Variants in CCT5 observed in about 807,000 individuals in gnomAD.
The protein encoded by CCT5 is chaperonin containing TCP1 subunit 5.
CCT5 carries 6 observed loss-of-function variants against 55.0 expected under a neutral mutation model. The ratio of observed to expected loss-of-function variants is 0.11; its 90% CI spans 0.06 to 0.22. The LOEUF (loss-of-function observed/expected upper bound fraction) is 0.22. CCT5 is among the 10% of genes least tolerant of loss of function. The pLI is 1.00. For synonymous variants in CCT5, 231 were observed against 243.7 expected (o/e 0.95, Z 0.49); for missense variants, 560 against 694.6 (o/e 0.81, Z 2.18).
rs777159469 is a variant in CCT5 at position 10,261,590 on chromosome 5, G to A, written c.1024G>A (p.Val342Ile). 24 of 1,614,024 alleles carry A rather than the reference G, an allele frequency of 1.5e-5. No homozygotes were observed. Among genetic ancestry groups the A allele is most frequent in the South Asian group, 3.3e-5 (3 of 91,088 alleles). ...LIAIATGGRIVPRFSELTAEK... is the reference protein window; with the variant it reads ...LIAIATGGRIIPRFSELTAEK... ...TGCCATCGCAACAGGAGGGCGGATC[G>A]TCCCCAGGTTCTCAGAGCTCACAGC... The change falls in exon 8 of 11, where the codon GTC becomes ATC. Residue 342 changes from valine (V) to isoleucine (I), a missense_variant. By Grantham distance (29) the Val-to-Ile change is conservative. Coordinates refer to ENST00000280326, the MANE Select transcript of CCT5 (RefSeq NM_012073.5).
At chr5:10,263,905 G>T (rs1445983878) in intron 10 of CCT5, among the ~76,000 whole-genome samples, 1 of 152,112 alleles carries the variant, frequency 6.6e-6, no homozygotes, top group African/African-American at 2.4e-5. Context: ...AATTCCAAGG[G>T]TTTCAATAGT....
intron 6 of CCT5, among the ~76,000 whole-genome samples, chr5:10,260,430 T>C (rs1745901751): frequency 6.6e-6 from 1 of 152,230 alleles, no homozygotes; most frequent in Admixed American, 6.5e-5. Flanking sequence ...GAAACTACTC[T>C]GTAGGTGTTT....
At chr5:10,259,642 G>C (rs1745857629) in intron 6 of CCT5, among the ~76,000 whole-genome samples, 1 of 152,230 alleles carries the variant, frequency 6.6e-6, no homozygotes, top group South Asian at 2.1e-4. Context: ...AGGACAGATG[G>C]GGATGCTCCT....
chr5:10,264,176 G>A (rs770260835), intron 10 of CCT5, among the ~76,000 whole-genome samples: 17 of 152,152 alleles, frequency 1.1e-4, no homozygotes, highest in Non-Finnish European at 1.9e-4. Flanking sequence ...TCGGGAGGCT[G>A]AGGCAGGAGA....
At chr5:10,261,837 C>T (rs1745977489) in intron 8 of CCT5, 92 bp downstream of exon 8, 3 of 978,698 alleles carry the variant, frequency 3.1e-6, no homozygotes, top group East Asian at 4.8e-5. Context: ...GACACAGTCA[C>T]CATAAGAAAA....
At chr5:10,252,478 G>A (rs960080753) in intron 1 of CCT5, among the ~76,000 whole-genome samples, 3 of 152,046 alleles carry the variant, frequency 2.0e-5, no homozygotes, top group Non-Finnish European at 4.4e-5. Flanking sequence ...GACTGGGCGC[G>A]GTGGCTCACG....
rs901543272 is a variant in CCT5 at position 10,250,358 on chromosome 5, C to T, written c.18C>T (p.Thr6=). Residue 6 remains threonine (T), a synonymous_variant, in exon 1 of 11, where the codon ACC becomes ACT. Coordinates refer to ENST00000280326, the MANE Select transcript of CCT5 (RefSeq NM_012073.5). MASMG[T]LAFDEYGRPF... ...GTTGCACCATGGCGTCCATGGGGAC[C>T]CTCGCCTTCGATGAATATGGGCGCC... is the stretch of plus-strand genomic sequence containing the variant. 1 of 1,614,116 alleles carries T rather than the reference C, an allele frequency of 6.2e-7. No individual in the cohort carries two copies. The highest frequency in any genetic ancestry group is 8.5e-7 in the Non-Finnish European group (1 of 1,180,034).
intron 6 of CCT5, among the ~76,000 whole-genome samples, chr5:10,260,318 G>A (rs375001471): frequency 3.9e-5 from 6 of 152,346 alleles, no homozygotes; most frequent in Middle Eastern, 3.4e-3. Flanking sequence ...GCCTCTGTGA[G>A]TGCCCGAATT....
At chr5:10,255,895 T>C (rs1745649565) in intron 3 of CCT5, 60 bp from the exon 4 acceptor site, 12 of 1,452,448 alleles carry the variant, frequency 8.3e-6, no homozygotes, top group Non-Finnish European at 1.2e-5. Context: ...TTGTGCTGAT[T>C]ATACTAAAAG....
In CCT5 at chr5:10,261,053, C is replaced by T. The variant is rs771520737; in HGVS notation, c.993+142C>T. 18 of 857,222 alleles carry T rather than the reference C, an allele frequency of 2.1e-5. No individual in the cohort carries two copies. The Middle Eastern group carries it at 6.9e-4, about 33-fold the overall frequency. The allele number at this position is 857,222 out of a possible 1,614,324, so 53.1% of individuals were successfully genotyped here. Reference sequence around the variant, plus strand: ...GAGGGTGAGCTGGGAGAGAGGAAAGCGCTGGAATCTTTGTTACTGTTTGGA... The same window carrying T: ...GAGGGTGAGCTGGGAGAGAGGAAAGTGCTGGAATCTTTGTTACTGTTTGGA... On this transcript the variant is annotated intron_variant, in intron 7 of 10. Transcript: ENST00000280326.
At position 10,258,323 on chromosome 5, in the gene CCT5, A is replaced by G; in HGVS notation, c.723+20A>G. ...CCAAAAGTGAGCCATTGCATCTCAC[A>G]GCTTCGCACTGTTGGTTAACTCTTA... On this transcript the variant is annotated intron_variant, in intron 5 of 10. Coordinates refer to ENST00000280326, the MANE Select transcript of CCT5 (RefSeq NM_012073.5). 1.9e-6 allele frequency: 3 copies of G among 1,614,076 alleles called. No homozygotes were observed. Among genetic ancestry groups the G allele is most frequent in the Non-Finnish European group, 2.5e-6 (3 of 1,179,976 alleles).
In CCT5 at chr5:10,255,937, C is replaced by G. The variant is rs11741923; in HGVS notation, c.332-18C>G. Reference sequence around the variant, plus strand: ...TTTGTTGTTTGCCTGAACTGATTGTCTGCTGGCTTATTTGCAGTCCTGGCT... The same window carrying G: ...TTTGTTGTTTGCCTGAACTGATTGTGTGCTGGCTTATTTGCAGTCCTGGCT... On this transcript the variant is annotated intron_variant, in intron 3 of 10. Transcript: ENST00000280326. 0.027 allele frequency: 44,123 copies of G among 1,610,786 alleles called. 725 individuals carry two copies. Among genetic ancestry groups the G allele is most frequent in the Non-Finnish European group, 0.033 (38,838 of 1,178,492 alleles).
In CCT5 at chr5:10,266,371, A is replaced by G. The variant is rs1746235450; in HGVS notation, c.*1588A>G. 1 of 152,230 alleles carries G rather than the reference A, an allele frequency of 6.6e-6. No homozygotes were observed. The highest frequency in any genetic ancestry group is 2.4e-5 in the African/African-American group (1 of 41,458). The allele number at this position is 152,230 out of a possible 1,614,324, so 9.4% of individuals were successfully genotyped here. A position where few individuals can be genotyped will look rare whatever the true frequency, so the allele number is the denominator to read the frequency against. On this transcript the variant is annotated 3_prime_UTR_variant, in exon 11 of 11. Transcript: ENST00000280326. ...TTGATTTTTGTTTCATTTATTTGTAATAAACCTCTTCCACGTGATGTCTTT... is the reference window on the plus strand; with the variant it reads ...TTGATTTTTGTTTCATTTATTTGTAGTAAACCTCTTCCACGTGATGTCTTT...
chr5:10,255,839 T>A, intron 3 of CCT5, 116 bp from the exon 4 acceptor site: 1 of 905,214 alleles, frequency 1.1e-6, no homozygotes, highest in Non-Finnish European at 1.8e-6. Flanking sequence ...TAAGATGACT[T>A]GCAGCTTAAT....
intron 8 of CCT5, 56 bp downstream of exon 8, chr5:10,261,801 T>G: frequency 7.0e-7 from 1 of 1,433,424 alleles, no homozygotes; most frequent in East Asian, 2.3e-5. Context: ...ATGGTCTGGC[T>G]TTTTTGCCTG....
In CCT5 at chr5:10,264,801, T is replaced by C. The variant is rs768824538; in HGVS notation, c.*18T>C. ...AAGAATGAAGACATTGAGAAAACTA[T>C]GTAGCAAGATCCACTTCTGTGATTA... On this transcript the variant is annotated 3_prime_UTR_variant, in exon 11 of 11. Transcript: ENST00000280326. 1.2e-6 allele frequency: 2 copies of C among 1,611,536 alleles called. No individual in the cohort carries two copies. Among genetic ancestry groups the C allele is most frequent in the Non-Finnish European group, 1.7e-6 (2 of 1,177,694 alleles).
intron 1 of CCT5, chr5:10,250,662 G>C: frequency 7.1e-7 from 1 of 1,411,334 alleles, no homozygotes; most frequent in Non-Finnish European, 9.2e-7. Flanking sequence ...CAGCCAGGCT[G>C]GGCCGCCAGC....
intron 6 of CCT5, 116 bp from the exon 7 acceptor site, chr5:10,260,676 T>G: frequency 1.9e-6 from 2 of 1,071,708 alleles, no homozygotes; most frequent in Non-Finnish European, 1.4e-6. Flanking sequence ...TTCCTTTGCT[T>G]TTGTGTTTGA....
intron 1 of CCT5, among the ~76,000 whole-genome samples, chr5:10,252,428 A>G (rs1345523866): frequency 6.6e-6 from 1 of 152,028 alleles, no homozygotes; most frequent in Non-Finnish European, 1.5e-5. Context: ...CTTGTTTAAC[A>G]CTTAACTGTA....
Sources: allele counts gnomAD v4.1 joint callset (sites outside exome capture counted in the v4.1 genomes callset), GRCh38; gene constraint gnomAD v4.1.1; transcripts MANE v1.5; gene names NCBI Gene and HGNC (gene_info 2026-07-23, HGNC 2026-07-21).